SULF2: variants seen among roughly 807,000 people sequenced by gnomAD.
SULF2 encodes sulfatase 2.
Under a neutral mutation model 107.7 loss-of-function variants are expected in SULF2, and 52 were observed. The ratio of observed to expected loss-of-function variants is 0.48; its 90% CI spans 0.39 to 0.61. The LOEUF (loss-of-function observed/expected upper bound fraction) is 0.61. Ranked by LOEUF, SULF2 falls within the 20% of genes least tolerant of loss-of-function variation. The probability of loss-of-function intolerance (pLI) is 0.00; values close to 1 mark genes in which losing one functional copy is unlikely to be tolerated. For synonymous variants in SULF2, 460 were observed against 464.3 expected (o/e 0.99, Z 0.12); for missense variants, 993 against 1,177.3 (o/e 0.84, Z 2.29).
chr20:47,686,787 C>A (rs550928292), intron 5 of SULF2, among the ~76,000 whole-genome samples: 127 of 152,312 alleles, frequency 8.3e-4, no homozygotes, highest in African/African-American at 2.8e-3. Context: ...CTCCAAGGCT[C>A]CCCTGGACTC....
Position 47,666,054 on chromosome 20 carries a change from C to T in SULF2, c.1806-101G>A, listed in dbSNP as rs377019002. The T allele has an allele frequency of 6.3e-7, 1 of 1,588,170 alleles. No individual in the cohort carries two copies. The highest frequency in any genetic ancestry group is 8.6e-7 in the Non-Finnish European group (1 of 1,158,102). ...AAGCCCTTGCCGAGGTCTGTCCTGTCCCCTTCACCCTCGACTTCCACCTGG... is the reference window on the plus strand; with the variant it reads ...AAGCCCTTGCCGAGGTCTGTCCTGTTCCCTTCACCCTCGACTTCCACCTGG... On this transcript the variant is annotated intron_variant, in intron 12 of 20. Coordinates refer to ENST00000688720, the MANE Select transcript of SULF2 (RefSeq NM_001387048.1). The surrounding 1 kb of genome is among the most constrained non-coding windows in gnomAD (Gnocchi z 5.4).
intron 2 of SULF2, among the ~76,000 whole-genome samples, chr20:47,739,338 C>T (rs1030239117): frequency 1.3e-5 from 2 of 152,138 alleles, no homozygotes; most frequent in Non-Finnish European, 1.5e-5. Context: ...CTGGGGAAGG[C>T]CCTCTGCTCA....
chr20:47,671,067 T>TC lies in SULF2; in HGVS notation c.1576+1130dup, dbSNP rs2087453941. ...TTTAAAGTCATGCAGGGACCATTCT[T>TC]CCTGTTTGATGGTGGGAGCTGAGCC... is the stretch of plus-strand genomic sequence containing the variant. On this transcript the variant is annotated intron_variant, in intron 11 of 20. Coordinates refer to ENST00000688720, the MANE Select transcript of SULF2 (RefSeq NM_001387048.1). 2.0e-5 allele frequency among the ~76,000 whole-genome samples: 3 copies of TC among 152,260 alleles called. No homozygotes were observed. The South Asian group carries it at 6.2e-4, about 32-fold the overall frequency.
chr20:47,691,477 C>G (rs919242862), intron 4 of SULF2, among the ~76,000 whole-genome samples: 6 of 152,186 alleles, frequency 3.9e-5, no homozygotes, highest in Non-Finnish European at 7.3e-5. Context: ...CCCAGAGATT[C>G]TGGTTGGATT....
In SULF2 at chr20:47,678,507, G is replaced by GGGGACCATGCTTCTCTCCCACA. The variant is rs2087721381; in HGVS notation, c.1193+147_1193+168dup. 3 of 832,184 alleles carry GGGGACCATGCTTCTCTCCCACA rather than the reference G, an allele frequency of 3.6e-6. No homozygotes were observed. Among genetic ancestry groups the GGGGACCATGCTTCTCTCCCACA allele is most frequent in the Non-Finnish European group, 5.5e-6 (3 of 541,026 alleles). 51.5% of individuals were successfully genotyped at this position (832,184 alleles called of 1,614,324 possible). A position where few individuals can be genotyped will look rare whatever the true frequency, so the allele number is the denominator to read the frequency against. ...AGATGGGAAGACAGAATCTCGGAGA[G>GGGGACCATGCTTCTCTCCCACA]GGGACCATGCTTCTCTCCCACAGCA... On this transcript the variant is annotated intron_variant, in intron 8 of 20. Coordinates refer to ENST00000688720, the MANE Select transcript of SULF2 (RefSeq NM_001387048.1). The surrounding 1 kb of genome is among the most constrained non-coding windows in gnomAD (Gnocchi z 4.5).
chr20:47,751,792 T>C lies in SULF2; in HGVS notation c.175+5397A>G, dbSNP rs550648858. The stretch of plus-strand genomic sequence containing the variant: ...TGAGAGAATCCAGGCTGACAGAGAG[T>C]GGTTGTGACACACGCGTTTTTAACA... On this transcript the variant is annotated intron_variant, in intron 2 of 20. Coordinates refer to ENST00000688720, the MANE Select transcript of SULF2 (RefSeq NM_001387048.1). Among the ~76,000 whole-genome samples the C allele has an allele frequency of 1.7e-4, 26 of 152,002 alleles. No individual in the cohort carries two copies. In the East Asian group the frequency reaches 5.0e-3, roughly 29 times the overall value.
intron 3 of SULF2, among the ~76,000 whole-genome samples, chr20:47,731,183 T>G (rs1312401627): frequency 8.9e-6 from 1 of 112,490 alleles, no homozygotes; most frequent in East Asian, 2.6e-4. Flanking sequence ...CACCTGTATC[T>G]TCTCTTTTTT....
intron 3 of SULF2, chr20:47,706,629 T>G (rs1180823895): frequency 6.6e-6 from 1 of 152,298 alleles, no homozygotes; most frequent in Non-Finnish European, 1.5e-5. Context: ...GAAGTGGGCA[T>G]GCATAGCCCA....
intron 3 of SULF2, 86 bp downstream of exon 3, chr20:47,736,617 G>T (rs888986602): frequency 1.1e-4 from 176 of 1,550,106 alleles, no homozygotes; most frequent in Non-Finnish European, 1.5e-4. Flanking sequence ...AATCAACTTG[G>T]GTACCGCAGT....
chr20:47,766,026 G>A (rs1052091330), intron 1 of SULF2, among the ~76,000 whole-genome samples: 6 of 152,208 alleles, frequency 3.9e-5, no homozygotes, highest in African/African-American at 1.4e-4. Flanking sequence ...TGAAGAGGAG[G>A]GTGGAGGACA....
chr20:47,781,106 C>T (rs989114751), intron 1 of SULF2, among the ~76,000 whole-genome samples: 9 of 152,234 alleles, frequency 5.9e-5, no homozygotes, highest in Non-Finnish European at 1.3e-4. Flanking sequence ...CCTGGCCCCC[C>T]GAAAGCACAG....
intron 1 of SULF2, among the ~76,000 whole-genome samples, chr20:47,764,398 G>A (rs906818028): frequency 6.7e-6 from 1 of 149,236 alleles, no homozygotes; most frequent in Non-Finnish European, 1.5e-5. Context: ...CTGTCTCCTG[G>A]TAACAGCCCC....
In SULF2 at chr20:47,769,214, G is replaced by A. The variant is rs2090582841; in HGVS notation, c.-100-11751C>T. ...CACCACCACGCCCGCTAATTTTTTT[G>A]TATTTTTAGTAGAGACGGGCTTTCA... On this transcript the variant is annotated intron_variant, in intron 1 of 20. Coordinates refer to ENST00000688720, the MANE Select transcript of SULF2 (RefSeq NM_001387048.1). Among the ~76,000 whole-genome samples, 3 of 152,152 alleles carry A rather than the reference G, an allele frequency of 2.0e-5. No homozygotes were observed. In the South Asian group the frequency reaches 6.2e-4, roughly 32 times the overall value.
chr20:47,768,833 TTG>T (rs1251891988), intron 1 of SULF2, among the ~76,000 whole-genome samples: 4 of 151,920 alleles, frequency 2.6e-5, no homozygotes, highest in African/African-American at 9.7e-5. Context: ...TTATCATAAC[TTG>T]TGATTCCTCT....
intron 10 of SULF2, among the ~76,000 whole-genome samples, chr20:47,673,784 A>T (rs1223761382): frequency 6.6e-6 from 1 of 152,166 alleles, no homozygotes; most frequent in Non-Finnish European, 1.5e-5. Flanking sequence ...GGGCACTGTG[A>T]CCGGCTATAC....
rs1391895450 is a variant in SULF2 at position 47,658,326 on chromosome 20, G to GCCT, written c.*33_*35dup. 3 of 1,610,770 alleles carry GCCT rather than the reference G, an allele frequency of 1.9e-6. No homozygotes were observed. Among genetic ancestry groups the GCCT allele is most frequent in the Non-Finnish European group, 2.5e-6 (3 of 1,177,034 alleles). On this transcript the variant is annotated 3_prime_UTR_variant, in exon 21 of 21. Transcript: ENST00000688720. ...TTCATTGCCTGTGCAGTCAGGTGAT[G>GCCT]CCTCTATGTTTTTGGAGGTCCACCT...
Position 47,666,377 on chromosome 20 carries a change from G to T in SULF2, c.1688C>A (p.Thr563Asn), listed in dbSNP as rs775232876. 5.6e-6 allele frequency: 9 copies of T among 1,613,978 alleles called. No individual in the cohort carries two copies. Among genetic ancestry groups the T allele is most frequent in the Non-Finnish European group, 6.8e-6 (8 of 1,180,050 alleles). ...AGGGGCCCCTGGCCAGTGCCGCTTGGTGAGGTTTCGGGGCTGGGCGGCATC... is the reference window on the plus strand; with the variant it reads ...AGGGGCCCCTGGCCAGTGCCGCTTGTTGAGGTTTCGGGGCTGGGCGGCATC... The part of the protein sequence containing the change: ...LGDAAQPRNL[T>N]KRHWPGAPED... Residue 563 changes from threonine (T) to asparagine (N), a missense_variant, in exon 12 of 21, where the codon ACC (threonine) becomes AAC (asparagine). Thr to Asn is a moderately conservative substitution (Grantham distance 65). This residue lies in a region of SULF2 where 497 missense variants were observed against 544.1 expected (regional missense o/e 0.91). Transcript: ENST00000688720. The surrounding 1 kb of genome is among the most constrained non-coding windows in gnomAD (Gnocchi z 5.4).
intron 3 of SULF2, among the ~76,000 whole-genome samples, chr20:47,709,816 G>C (rs372426995): frequency 6.6e-6 from 1 of 151,858 alleles, no homozygotes; most frequent in Non-Finnish European, 1.5e-5. Context: ...GAGACAGAGA[G>C]ACAGAAGAGA....
intron 20 of SULF2, among the ~76,000 whole-genome samples, chr20:47,658,884 A>G (rs1356919288): frequency 6.6e-6 from 1 of 152,208 alleles, no homozygotes; most frequent in Non-Finnish European, 1.5e-5. Context: ...ACGAATGAGA[A>G]AATCTGGCGA....
Sources: gnomAD v4.1 joint callset for allele counts (sites outside exome capture counted in the v4.1 genomes callset) on GRCh38, gnomAD v4.1.1 for gene constraint, gnomAD v4.1.1 regional missense constraint, Gnocchi (gnomAD v3.1) non-coding constraint, MANE v1.5 for transcripts, NCBI Gene and HGNC (gene_info 2026-07-23, HGNC 2026-07-21) for gene names.